Variants in PTPRN2 observed in about 807,000 individuals in gnomAD.
The protein encoded by PTPRN2 is protein tyrosine phosphatase receptor type N2, also known as receptor-type tyrosine-protein phosphatase N2.
Under a neutral mutation model 118.8 loss-of-function variants are expected in PTPRN2, and 74 were observed. The observed-to-expected ratio is 0.62, with a 90% confidence interval of 0.52 to 0.76. The LOEUF (loss-of-function observed/expected upper bound fraction) is 0.76. Among genes scored for constraint, PTPRN2 ranks in the 30% least tolerant of loss-of-function variants. The probability of loss-of-function intolerance (pLI) is 0.00; values close to 1 mark genes in which losing one functional copy is unlikely to be tolerated. For missense variants in PTPRN2, 1,481 were observed against 1,394.4 expected (o/e 1.06, Z -0.99); for synonymous variants, 641 against 608.0 (o/e 1.05, Z -0.80).
At chr7:158,011,510 C>T (rs962935296) in intron 11 of PTPRN2, among the ~76,000 whole-genome samples, 1 of 152,104 alleles carries the variant, frequency 6.6e-6, no homozygotes, top group East Asian at 1.9e-4. Flanking sequence ...CCATCGTCAC[C>T]GACGATCACC....
At chr7:158,122,615 G>A (rs1410023811) in intron 9 of PTPRN2, among the ~76,000 whole-genome samples, 1 of 152,228 alleles carries the variant, frequency 6.6e-6, no homozygotes. Context: ...CCACACTGAG[G>A]CCCCACACAG....
At chr7:157,966,480 T>C (rs1801938653) in intron 11 of PTPRN2, among the ~76,000 whole-genome samples, 2 of 151,948 alleles carry the variant, frequency 1.3e-5, no homozygotes, top group African/African-American at 4.8e-5. Flanking sequence ...ATCTTTATCA[T>C]CACAATCCCC....
intron 21 of PTPRN2, among the ~76,000 whole-genome samples, chr7:157,559,346 C>T (rs1252590412): frequency 1.3e-5 from 2 of 152,180 alleles, no homozygotes; most frequent in Non-Finnish European, 2.9e-5. Context: ...TGGGAGGTGC[C>T]TCCAGGACAA....
At chr7:157,830,727 A>G (rs1807509247) in intron 12 of PTPRN2, among the ~76,000 whole-genome samples, 1 of 152,276 alleles carries the variant, frequency 6.6e-6, no homozygotes, top group Non-Finnish European at 1.5e-5. Flanking sequence ...AGAAAAGACC[A>G]AAACTAAAAC....
chr7:158,122,294 G>C lies in PTPRN2; in HGVS notation c.1557-11379C>G, dbSNP rs1320765420. 3.3e-5 allele frequency among the ~76,000 whole-genome samples: 5 copies of C among 152,166 alleles called. 1 individual carries two copies. In the South Asian group the frequency reaches 1.0e-3, roughly 32 times the overall value. On this transcript the variant is annotated intron_variant, in intron 9 of 22. Coordinates refer to ENST00000389418, the MANE Select transcript of PTPRN2 (RefSeq NM_002847.5). The stretch of plus-strand genomic sequence containing the variant: ...TGACGTCTCTAAGCTCAACCACGTT[G>C]GACAAGCCTGTTCCTATGGATCTAC...
intron 5 of PTPRN2, among the ~76,000 whole-genome samples, chr7:158,188,237 T>TGTAGGGGGAAGGCCGCCACGCTC (rs1825379615): frequency 2.8e-5 from 1 of 35,842 alleles, no homozygotes; most frequent in Non-Finnish European, 6.3e-5. Flanking sequence ...CCGCCACGCT[T>TGTAGGGGGAAGGCCGCCACGCTC]GCCCCGCGAT....
chr7:158,362,945 C>T (rs796247054), intron 2 of PTPRN2, among the ~76,000 whole-genome samples: 80 of 152,306 alleles, frequency 5.3e-4, no homozygotes, highest in African/African-American at 1.9e-3. Context: ...AGTCTCAAAA[C>T]GACGCCACTG....
intron 12 of PTPRN2, among the ~76,000 whole-genome samples, chr7:157,782,673 G>T (rs967208880): frequency 2.6e-5 from 4 of 152,236 alleles, no homozygotes; most frequent in Admixed American, 6.5e-5. Context: ...GGTACTCCAA[G>T]AAATTATTTG....
chr7:158,066,184 A>C (rs1810757878), intron 11 of PTPRN2, among the ~76,000 whole-genome samples: 1 of 152,060 alleles, frequency 6.6e-6, no homozygotes, highest in Non-Finnish European at 1.5e-5. Context: ...AAAAAATAAG[A>C]CTCCGTCAGC....
Position 157,895,056 on chromosome 7 carries a change from C to CT in PTPRN2, c.1788+3616_1788+3617insA, listed in dbSNP as rs11419587. The stretch of plus-strand genomic sequence containing the variant: ...CAACCACAAAAGAGGACCCCTCCCC[C>CT]ACAGGAGGGGGTCAGCAGATGTGAT... On this transcript the variant is annotated intron_variant, in intron 12 of 22. Coordinates refer to ENST00000389418, the MANE Select transcript of PTPRN2 (RefSeq NM_002847.5). 9.9e-5 allele frequency among the ~76,000 whole-genome samples: 15 copies of CT among 151,940 alleles called. 2 individuals carry two copies. The highest frequency in any genetic ancestry group is 9.8e-4 in the Admixed American group (15 of 15,252).
At chr7:157,643,850 CAGAT>C (rs1804858575) in intron 14 of PTPRN2, among the ~76,000 whole-genome samples, 1 of 152,234 alleles carries the variant, frequency 6.6e-6, no homozygotes, top group African/African-American at 2.4e-5. Flanking sequence ...ACTCGTGCAG[CAGAT>C]AGACGGCAGT....
At chr7:158,085,009 A>ATG in intron 10 of PTPRN2, among the ~76,000 whole-genome samples, 1 of 80,322 alleles carries the variant, frequency 1.2e-5, no homozygotes, top group Non-Finnish European at 2.4e-5. Context: ...ACACTCCGAC[A>ATG]CCCATCCACA....
Position 158,509,763 on chromosome 7 carries a change from G to A in PTPRN2, c.113-19978C>T, listed in dbSNP as rs1823040474. Reference sequence around the variant, plus strand: ...CTTTGCCCAGGCCTGAGGCCACACGGGCAGAGTGGCAGTGGAGGGCTGGCA... The same window carrying A: ...CTTTGCCCAGGCCTGAGGCCACACGAGCAGAGTGGCAGTGGAGGGCTGGCA... On this transcript the variant is annotated intron_variant, in intron 1 of 22. Coordinates refer to ENST00000389418, the MANE Select transcript of PTPRN2 (RefSeq NM_002847.5). This position sits in a 1 kb window ranked among gnomAD's most constrained non-coding sequence, Gnocchi z 4.4. 6.6e-6 allele frequency among the ~76,000 whole-genome samples: 1 copy of A among 152,216 alleles called. No individual in the cohort carries two copies. The highest frequency in any genetic ancestry group is 2.1e-4 in the South Asian group (1 of 4,832).
At position 158,157,649 on chromosome 7, in the gene PTPRN2, C is replaced by A. The variant is rs75166880; in HGVS notation, c.910+9282G>T. 4.1e-3 allele frequency among the ~76,000 whole-genome samples: 631 copies of A among 152,356 alleles called. 13 individuals carry two copies. In the East Asian group the frequency reaches 0.057, roughly 14 times the overall value. ...CAGCCACACACGGCCGCTGCCACCC[C>A]GCACTGGGCGCATCCACGTCAGGGT... is the stretch of plus-strand genomic sequence containing the variant. On this transcript the variant is annotated intron_variant, in intron 6 of 22. Coordinates refer to ENST00000389418, the MANE Select transcript of PTPRN2 (RefSeq NM_002847.5).
intron 11 of PTPRN2, among the ~76,000 whole-genome samples, chr7:158,054,973 C>T (rs1246473226): frequency 6.6e-6 from 1 of 152,236 alleles, no homozygotes; most frequent in Non-Finnish European, 1.5e-5. Context: ...CCGTCCCCTT[C>T]ACTGTGGTCA....
chr7:157,726,174 T>C (rs1284617953), intron 12 of PTPRN2, among the ~76,000 whole-genome samples: 20 of 67,704 alleles, frequency 3.0e-4, no homozygotes, highest in South Asian at 4.9e-4. Flanking sequence ...GATATCCACA[T>C]GCAGAGGAAT....
intron 1 of PTPRN2, among the ~76,000 whole-genome samples, chr7:158,579,662 G>C (rs1828523885): frequency 6.6e-6 from 1 of 152,194 alleles, no homozygotes; most frequent in Admixed American, 6.5e-5. Flanking sequence ...TTGTGCTCTT[G>C]AAACAGCCAC....
intron 9 of PTPRN2, among the ~76,000 whole-genome samples, chr7:158,132,446 A>G (rs1331339227): frequency 8.4e-6 from 1 of 118,442 alleles, no homozygotes; most frequent in Non-Finnish European, 1.7e-5. Flanking sequence ...ATACATATGC[A>G]CAAACATATC....
At chr7:157,871,977 C>T (rs1452507433) in intron 12 of PTPRN2, among the ~76,000 whole-genome samples, 2 of 133,838 alleles carry the variant, frequency 1.5e-5, no homozygotes, top group Admixed American at 7.8e-5. Context: ...CCCACACACA[C>T]ATACCCAGTG....
Sources: allele counts gnomAD v4.1 joint callset (sites outside exome capture counted in the v4.1 genomes callset), GRCh38; gene constraint gnomAD v4.1.1; non-coding constraint Gnocchi (gnomAD v3.1); transcripts MANE v1.5; gene names NCBI Gene and HGNC (gene_info 2026-07-23, HGNC 2026-07-21).